Variants in PDE4B observed in about 807,000 individuals in gnomAD.
PDE4B encodes phosphodiesterase 4B.
A neutral mutation model predicts 82.2 loss-of-function variants in PDE4B; 20 were observed. The ratio of observed to expected loss-of-function variants is 0.24; its 90% confidence interval spans 0.17 to 0.35. The LOEUF (loss-of-function observed/expected upper bound fraction) is 0.35. Among genes scored for constraint, PDE4B ranks in the 10% least tolerant of loss-of-function variants. The pLI, the probability that PDE4B is intolerant of heterozygous loss-of-function variation, is 1.00. For missense variants in PDE4B, 655 were observed against 907.2 expected (o/e 0.72, Z 3.57); for synonymous variants, 320 against 318.9 (o/e 1.00, Z -0.04).
Position 66,088,228 on chromosome 1 carries a change from A to G in PDE4B, c.282-159232A>G, listed in dbSNP as rs114189026. On this transcript the variant is annotated intron_variant, in intron 3 of 16. Coordinates refer to ENST00000341517, the MANE Select transcript of PDE4B (RefSeq NM_002600.4). ...CTAACTTAGGGAATTGGCTGGTGCT[A>G]TGTCAACTCAGACAAGGCATCTGTG... Among the ~76,000 whole-genome samples, 570 of 152,142 alleles carry G rather than the reference A, an allele frequency of 3.7e-3. 3 individuals carry two copies. Among genetic ancestry groups the G allele is most frequent in the African/African-American group, 0.013 (554 of 41,540 alleles).
chr1:66,348,010 G>A (rs886083114), intron 8 of PDE4B, among the ~76,000 whole-genome samples: 1 of 152,160 alleles, frequency 6.6e-6, no homozygotes, highest in African/African-American at 2.4e-5. Context: ...TAAAACATAG[G>A]TGTTATTTTT....
chr1:66,032,719 G>T (rs1051766438), intron 3 of PDE4B, among the ~76,000 whole-genome samples: 4 of 147,264 alleles, frequency 2.7e-5, no homozygotes, highest in Admixed American at 1.4e-4. Context: ...GCAGTGGCGC[G>T]ATCTCAGCTC....
At chr1:66,246,387 G>C (rs1653311732) in intron 3 of PDE4B, among the ~76,000 whole-genome samples, 2 of 152,176 alleles carry the variant, frequency 1.3e-5, no homozygotes, top group Admixed American at 6.5e-5. Context: ...CGCTGAATTG[G>C]TATACAGGAA....
chr1:66,162,305 CTTTTTTTTT>C (rs1168144080), intron 3 of PDE4B, among the ~76,000 whole-genome samples: 9 of 40,288 alleles, frequency 2.2e-4, no homozygotes, highest in East Asian at 8.8e-4. Context: ...ATGGACTTCT[CTTTTTTTTT>C]TTTTTTTTTT....
At chr1:65,901,343 A>G (rs1370189560) in intron 1 of PDE4B, among the ~76,000 whole-genome samples, 2 of 152,064 alleles carry the variant, frequency 1.3e-5, no homozygotes, top group Non-Finnish European at 2.9e-5. Context: ...TGTGCTTCTG[A>G]ATTCAGTTTG....
chr1:66,018,744 TTAAG>T (rs1424158983), intron 3 of PDE4B, among the ~76,000 whole-genome samples: 1 of 152,194 alleles, frequency 6.6e-6, no homozygotes, highest in African/African-American at 2.4e-5. Context: ...GGATACAATC[TTAAG>T]TTAGTGGCGT....
At chr1:65,965,888 G>C (rs1231956339) in intron 3 of PDE4B, among the ~76,000 whole-genome samples, 1 of 152,018 alleles carries the variant, frequency 6.6e-6, no homozygotes, top group African/African-American at 2.4e-5. Context: ...CGTATTGATG[G>C]AACATATCTC....
At chr1:66,089,814 A>T (rs1462634415) in intron 3 of PDE4B, among the ~76,000 whole-genome samples, 1 of 152,070 alleles carries the variant, frequency 6.6e-6, no homozygotes, top group Non-Finnish European at 1.5e-5. Context: ...TGCTCACAGG[A>T]TAATTCTACA....
At chr1:66,206,912 A>G (rs1261865532) in intron 3 of PDE4B, among the ~76,000 whole-genome samples, 1 of 152,202 alleles carries the variant, frequency 6.6e-6, no homozygotes, top group Non-Finnish European at 1.5e-5. Context: ...AAAATTCTGC[A>G]TTACAGCCCA....
At chr1:66,020,277 A>G (rs1653017071) in intron 3 of PDE4B, among the ~76,000 whole-genome samples, 1 of 152,078 alleles carries the variant, frequency 6.6e-6, no homozygotes, top group African/African-American at 2.4e-5. Context: ...GGAAGGTAGG[A>G]TTCCTGGTAT....
intron 8 of PDE4B, chr1:66,354,803 C>G (rs1662107225): frequency 6.5e-7 from 1 of 1,534,994 alleles, no homozygotes; most frequent in Non-Finnish European, 8.7e-7. Flanking sequence ...ACTGTGAATT[C>G]TTTCAAAGGG....
intron 6 of PDE4B, among the ~76,000 whole-genome samples, chr1:66,259,848 G>GT (rs1654548703): frequency 6.6e-6 from 1 of 152,018 alleles, no homozygotes. Context: ...CCTTCTCTAT[G>GT]TTTTTTTCTT....
intron 10 of PDE4B, among the ~76,000 whole-genome samples, chr1:66,362,560 C>G (rs917222099): frequency 2.6e-5 from 4 of 152,164 alleles, no homozygotes; most frequent in Non-Finnish European, 5.9e-5. Flanking sequence ...ATAAATTGGT[C>G]CTTAAATCAG....
intron 3 of PDE4B, among the ~76,000 whole-genome samples, chr1:66,159,735 T>C (rs553730023): frequency 6.6e-6 from 1 of 152,168 alleles, no homozygotes; most frequent in African/African-American, 2.4e-5. Context: ...GTAAAAGCTC[T>C]AATATTCCCT....
At chr1:65,918,907 T>A in intron 3 of PDE4B, 72 bp downstream of exon 3, 1 of 935,310 alleles carries the variant, frequency 1.1e-6, no homozygotes, top group Non-Finnish European at 1.7e-6. Flanking sequence ...AATTTCATAG[T>A]ATTAAAATGT....
intron 1 of PDE4B, among the ~76,000 whole-genome samples, chr1:65,845,012 C>G (rs1039421166): frequency 6.6e-5 from 10 of 152,236 alleles, no homozygotes; most frequent in African/African-American, 2.4e-4. Context: ...GCTGAATTTG[C>G]AACTACAGTG....
At chr1:65,964,573 G>A (rs1649715948) in intron 3 of PDE4B, among the ~76,000 whole-genome samples, 1 of 152,186 alleles carries the variant, frequency 6.6e-6, no homozygotes, top group Admixed American at 6.5e-5. Context: ...ATGAGGACAT[G>A]AGTCTAAGTA....
intron 1 of PDE4B, among the ~76,000 whole-genome samples, chr1:65,890,814 A>AACACACATATAT (rs1646844573): frequency 6.6e-6 from 1 of 152,036 alleles, no homozygotes; most frequent in Non-Finnish European, 1.5e-5. Context: ...TCAGTTTGAA[A>AACACACATATAT]ACACACACAT....
intron 7 of PDE4B, among the ~76,000 whole-genome samples, chr1:66,297,631 T>C (rs1657604651): frequency 6.6e-6 from 1 of 152,148 alleles, no homozygotes; most frequent in Admixed American, 6.6e-5. Flanking sequence ...CATTATATAT[T>C]ATTCATTGCA....
Sources: allele counts gnomAD v4.1 joint callset (sites outside exome capture counted in the v4.1 genomes callset), GRCh38; gene constraint gnomAD v4.1.1; transcripts MANE v1.5; gene names NCBI Gene and HGNC (gene_info 2026-07-23, HGNC 2026-07-21).